The following LUC7L3 variants were observed in gnomAD, a reference collection of about 807,000 sequenced individuals.
LUC7L3 encodes the protein LUC7 like 3 pre-mRNA splicing factor.
LUC7L3 carries 6 observed loss-of-function variants against 66.8 expected under a neutral mutation model. The ratio of observed to expected loss-of-function variants is 0.09; its 90% CI spans 0.05 to 0.18. LUC7L3 has a LOEUF of 0.18. Among genes scored for constraint, LUC7L3 ranks in the 10% least tolerant of loss-of-function variants. LUC7L3 has a pLI of 1.00. For missense variants in LUC7L3, 341 were observed against 531.1 expected (o/e 0.64, Z 3.52); for synonymous variants, 160 against 174.7 (o/e 0.92, Z 0.66).
intron 9 of LUC7L3, among the ~76,000 whole-genome samples, chr17:50,750,194 T>C (rs1355115203): frequency 6.6e-6 from 1 of 152,190 alleles, no homozygotes; most frequent in African/African-American, 2.4e-5. Flanking sequence ...CCTTTCCCAG[T>C]GCTTTTTGAT....
Position 50,745,984 on chromosome 17 carries a change from A to G in LUC7L3, c.958A>G (p.Arg320Gly). ...RSRDHKRSRS[R>G]ERRRSRSRDR... ...TCGGGACCACAAAAGGTCACGAAGT[A>G]GAGAAAGAAGGCGGAGCAGGTATAT... Residue 320 changes from arginine to glycine, a missense_variant, in exon 8 of 10, where the codon AGA (arginine) becomes GGA (glycine). Coordinates refer to ENST00000505658, the MANE Select transcript of LUC7L3 (RefSeq NM_016424.5). The G allele has an allele frequency of 6.2e-7, 1 of 1,601,102 alleles. No individual in the cohort carries two copies. The highest frequency in any genetic ancestry group is 8.5e-7 in the Non-Finnish European group (1 of 1,176,758).
At chr17:50,731,671 G>C (rs1355217384) in intron 1 of LUC7L3, among the ~76,000 whole-genome samples, 1 of 152,186 alleles carries the variant, frequency 6.6e-6, no homozygotes, top group African/African-American at 2.4e-5. Context: ...AAGCAGGAGA[G>C]TTGGAGTGGA....
chr17:50,749,262 G>T, intron 9 of LUC7L3: 1 of 1,289,218 alleles, frequency 7.8e-7, no homozygotes, highest in Non-Finnish European at 1.0e-6. Flanking sequence ...TCCTCTACGG[G>T]ACAACAAGAC....
rs951526977 is a variant in LUC7L3, at chr17:50,736,045, A to G, written c.100-915A>G. Among the ~76,000 whole-genome samples, 3 of 152,318 alleles carry G rather than the reference A, an allele frequency of 2.0e-5. 1 individual carries two copies. Among genetic ancestry groups the G allele is most frequent in the Middle Eastern group, 6.8e-3 (2 of 294 alleles). ...CTACTTTGGAGACTGAGGCAGAACAATTGCTTGAACCTGGGAGGCGGAGCT... is the reference window on the plus strand; with the variant it reads ...CTACTTTGGAGACTGAGGCAGAACAGTTGCTTGAACCTGGGAGGCGGAGCT... On this transcript the variant is annotated intron_variant, in intron 1 of 9. Coordinates refer to ENST00000505658, the MANE Select transcript of LUC7L3 (RefSeq NM_016424.5).
chr17:50,738,255 G>A, intron 2 of LUC7L3: 1 of 382,224 alleles, frequency 2.6e-6, no homozygotes, highest in Non-Finnish European at 5.1e-6. Flanking sequence ...ATTTTCCTAT[G>A]ATAAAGCCCA....
intron 1 of LUC7L3, among the ~76,000 whole-genome samples, chr17:50,726,032 A>G (rs956749517): frequency 6.6e-5 from 10 of 152,348 alleles, no homozygotes; most frequent in Admixed American, 3.3e-4. Context: ...AAAATGCCCT[A>G]TGACCTGTGA....
At chr17:50,720,125 C>T (rs1968643723) in intron 1 of LUC7L3, among the ~76,000 whole-genome samples, 1 of 152,254 alleles carries the variant, frequency 6.6e-6, no homozygotes, top group Admixed American at 6.5e-5. Context: ...CTTATTAAAT[C>T]TAGCGGCTCC....
Position 50,746,698 on chromosome 17 carries a change from G to A in LUC7L3, c.1134G>A (p.Glu378=). The A allele has an allele frequency of 1.2e-6, 2 of 1,612,640 alleles. No homozygotes were observed. Among genetic ancestry groups the A allele is most frequent in the Non-Finnish European group, 1.7e-6 (2 of 1,179,580 alleles). The stretch of plus-strand genomic sequence containing the variant: ...GAGAACAAGATAGAAAATCCAAGGA[G>A]AAAGGTTAGTTTATATGAGAATTCA... ...RDREQDRKSK[E]KEKRGSDDKK... The change falls in exon 9 of 10, where the codon GAG becomes GAA. Residue 378 remains glutamate, a synonymous_variant. Transcript: ENST00000505658.
chr17:50,723,954 CATAGTAAA>C (rs1330807931), intron 1 of LUC7L3: 1 of 451,948 alleles, frequency 2.2e-6, no homozygotes, highest in African/African-American at 2.0e-5. Flanking sequence ...TACCTTACTC[CATAGTAAA>C]ATAGTAAGTG....
chr17:50,742,819 T>C (rs1970432694), intron 5 of LUC7L3, among the ~76,000 whole-genome samples: 1 of 152,186 alleles, frequency 6.6e-6, no homozygotes, highest in Admixed American at 6.5e-5. Flanking sequence ...CAGACTGGAA[T>C]CAATTAAAAT....
chr17:50,740,250 A>C, intron 2 of LUC7L3, 56 bp from the exon 3 acceptor site: 3 of 1,289,398 alleles, frequency 2.3e-6, no homozygotes, highest in Non-Finnish European at 3.3e-6. Flanking sequence ...TTTTTTTGGC[A>C]AGAAAAGGTT....
At chr17:50,744,195 G>T (rs79632215) in intron 6 of LUC7L3, among the ~76,000 whole-genome samples, 2 of 152,156 alleles carry the variant, frequency 1.3e-5, no homozygotes, top group Non-Finnish European at 2.9e-5. Context: ...TTTAATTGGA[G>T]AATAGAATAT....
rs1240758684 is a variant in LUC7L3, at chr17:50,754,234, C to T, written c.*3573C>T. On this transcript the variant is annotated 3_prime_UTR_variant, in exon 10 of 10. Coordinates refer to ENST00000505658, the MANE Select transcript of LUC7L3 (RefSeq NM_016424.5). ...AGTTTGGAATCTGCAATCAGTTGGT[C>T]TTAAAAAAAAAAAAACTTTATTTTG... 1 of 95,092 alleles carries T rather than the reference C, an allele frequency of 1.1e-5. No homozygotes were observed. Among genetic ancestry groups the T allele is most frequent in the Admixed American group, 9.0e-5 (1 of 11,130 alleles). The allele number at this position is 95,092 out of a possible 1,614,324, so 5.9% of individuals were successfully genotyped here. A position where few individuals can be genotyped will look rare whatever the true frequency, so the allele number is the denominator to read the frequency against.
At chr17:50,750,104 C>G (rs556048965) in intron 9 of LUC7L3, among the ~76,000 whole-genome samples, 1 of 151,946 alleles carries the variant, frequency 6.6e-6, no homozygotes, top group South Asian at 2.1e-4. Context: ...TTTTTTTCAC[C>G]TTTTGGGGTC....
At chr17:50,722,681 C>G (rs951036202) in intron 1 of LUC7L3, 3 of 152,188 alleles carry the variant, frequency 2.0e-5, no homozygotes, top group African/African-American at 4.8e-5. Context: ...GCAGCACTTG[C>G]GAAGCGCAGT....
chr17:50,729,895 A>ATT lies in LUC7L3; in HGVS notation c.100-7064_100-7063dup, dbSNP rs71760755. The stretch of plus-strand genomic sequence containing the variant: ...AGAAGTATATATTGAATATAAATAC[A>ATT]TTATATATATATATATATATATATA... On this transcript the variant is annotated intron_variant, in intron 1 of 9. Transcript: ENST00000505658. 5.3e-3 allele frequency among the ~76,000 whole-genome samples: 429 copies of ATT among 81,108 alleles called. 19 individuals are homozygous for ATT. Among genetic ancestry groups the ATT allele is most frequent in the African/African-American group, 0.013 (251 of 19,820 alleles). The allele number at this position is 81,108 out of a possible 152,430, so 53.2% of individuals were successfully genotyped here. A position where few individuals can be genotyped will look rare whatever the true frequency, so the allele number is the denominator to read the frequency against.
At chr17:50,722,701 A>G (rs1369466290) in intron 1 of LUC7L3, 1 of 152,264 alleles carries the variant, frequency 6.6e-6, no homozygotes. Context: ...TTTCAAGTGA[A>G]GGATGCATCT....
chr17:50,721,902 C>A (rs902049131), intron 1 of LUC7L3, among the ~76,000 whole-genome samples: 2 of 151,550 alleles, frequency 1.3e-5, no homozygotes, highest in African/African-American at 2.4e-5. Context: ...CTGGATGGGG[C>A]CCTTGTTTTT....
chr17:50,747,826 C>G (rs1479770380), intron 9 of LUC7L3, among the ~76,000 whole-genome samples: 1 of 152,184 alleles, frequency 6.6e-6, no homozygotes, highest in Admixed American at 6.5e-5. Flanking sequence ...GTGTTGAAAA[C>G]TTTTGTCTTC....
Sources: gnomAD v4.1 joint callset for allele counts (sites outside exome capture counted in the v4.1 genomes callset) on GRCh38, gnomAD v4.1.1 for gene constraint, MANE v1.5 for transcripts, NCBI Gene and HGNC (gene_info 2026-07-23, HGNC 2026-07-21) for gene names.